HS2ST1: variants seen among roughly 807,000 people sequenced by gnomAD.
HS2ST1 encodes 2-O-sulfotransferase.
A neutral mutation model predicts 42.9 loss-of-function variants in HS2ST1; 18 were observed. The ratio of observed to expected loss-of-function variants is 0.42; its 90% confidence interval spans 0.29 to 0.62. The LOEUF (loss-of-function observed/expected upper bound fraction) is 0.62, where lower values mean the gene tolerates loss of function less well. Among genes scored for constraint, HS2ST1 ranks in the 20% least tolerant of loss-of-function variants. The pLI, the probability that HS2ST1 is intolerant of heterozygous loss-of-function variation, is 0.21. For missense variants in HS2ST1, 334 were observed against 433.8 expected (o/e 0.77, Z 2.04); for synonymous variants, 146 against 152.9 (o/e 0.95, Z 0.33).
At chr1:86,964,834 A>G (rs1219724825) in intron 1 of HS2ST1, among the ~76,000 whole-genome samples, 6 of 151,988 alleles carry the variant, frequency 3.9e-5, no homozygotes, top group Admixed American at 6.6e-5. Flanking sequence ...ATTTGTTTTT[A>G]TTGTTTTGTG....
At chr1:87,068,257 G>T (rs1043577828) in intron 1 of HS2ST1, among the ~76,000 whole-genome samples, 1 of 152,066 alleles carries the variant, frequency 6.6e-6, no homozygotes, top group Non-Finnish European at 1.5e-5. Flanking sequence ...AAAGTTTATA[G>T]TTCTCCTTGA....
intron 1 of HS2ST1, chr1:87,046,710 G>C (rs1207823735): frequency 1.9e-6 from 2 of 1,041,798 alleles, no homozygotes; most frequent in Admixed American, 7.7e-5. Flanking sequence ...AGCTGTGCAT[G>C]TCGATTTTAT....
intron 1 of HS2ST1, among the ~76,000 whole-genome samples, chr1:87,008,119 G>A (rs1292649603): frequency 2.6e-5 from 4 of 152,082 alleles, no homozygotes; most frequent in African/African-American, 9.7e-5. Flanking sequence ...GGGCATCTTG[G>A]ACACTGCTTT....
chr1:87,072,920 G>C lies in HS2ST1; in HGVS notation c.125-14G>C. 1.3e-6 allele frequency: 2 copies of C among 1,596,208 alleles called. No homozygotes were observed. The highest frequency in any genetic ancestry group is 1.7e-6 in the Non-Finnish European group (2 of 1,164,046). On this transcript the variant is annotated splice_polypyrimidine_tract_variant and intron_variant, in intron 1 of 6. Transcript: ENST00000370550. Reference sequence around the variant, plus strand: ...GTCCTTAAAAACTTAGTTCGTATCTGTTTTTCTTTCCAGAAAGGGCTATTG... The same window carrying C: ...GTCCTTAAAAACTTAGTTCGTATCTCTTTTTCTTTCCAGAAAGGGCTATTG...
chr1:86,944,750 C>T (rs546082519), intron 1 of HS2ST1, among the ~76,000 whole-genome samples: 1 of 152,132 alleles, frequency 6.6e-6, no homozygotes, highest in East Asian at 1.9e-4. Context: ...CTGTGGTGTG[C>T]CTTTTTCTCT....
At position 87,072,913 on chromosome 1, in the gene HS2ST1, C is replaced by T. The variant is rs202115672; in HGVS notation, c.125-21C>T. The T allele has an allele frequency of 8.1e-5, 126 of 1,553,346 alleles. No homozygotes were observed. The East Asian group carries it at 1.7e-3, about 21-fold the overall frequency. ...TTATAGTGTCCTTAAAAACTTAGTT[C>T]GTATCTGTTTTTCTTTCCAGAAAGG... On this transcript the variant is annotated intron_variant, in intron 1 of 6. Coordinates refer to ENST00000370550, the MANE Select transcript of HS2ST1 (RefSeq NM_012262.4).
At chr1:86,994,756 T>C (rs1367381036) in intron 1 of HS2ST1, among the ~76,000 whole-genome samples, 1 of 152,166 alleles carries the variant, frequency 6.6e-6, no homozygotes, top group Admixed American at 6.5e-5. Context: ...TTAAGGAATT[T>C]AATGAACTAA....
intron 1 of HS2ST1, among the ~76,000 whole-genome samples, chr1:86,968,341 A>G (rs1283561077): frequency 6.6e-6 from 1 of 152,110 alleles, no homozygotes. Context: ...TCCAAAGCAT[A>G]TATATGTATT....
chr1:87,046,240 A>G, intron 1 of HS2ST1: 1 of 821,860 alleles, frequency 1.2e-6, no homozygotes. Context: ...ACTACTATCA[A>G]AGAGGGTGTG....
chr1:87,012,556 A>G (rs1014145569), intron 1 of HS2ST1, among the ~76,000 whole-genome samples: 58 of 152,312 alleles, frequency 3.8e-4, no homozygotes, highest in African/African-American at 1.3e-3. Flanking sequence ...CTACAATTCA[A>G]GATGAGATTT....
intron 1 of HS2ST1, among the ~76,000 whole-genome samples, chr1:87,004,831 A>T (rs561061026): frequency 6.6e-6 from 1 of 152,236 alleles, no homozygotes; most frequent in Non-Finnish European, 1.5e-5. Context: ...TTCTCAACCA[A>T]TATAGAAATC....
At chr1:86,924,692 G>T (rs1397903057) in intron 1 of HS2ST1, among the ~76,000 whole-genome samples, 3 of 152,162 alleles carry the variant, frequency 2.0e-5, no homozygotes, top group Non-Finnish European at 2.9e-5. Context: ...TTCAGCCATG[G>T]CAGGAGGTCT....
chr1:86,996,621 C>G (rs1309394055), intron 1 of HS2ST1, among the ~76,000 whole-genome samples: 1 of 151,964 alleles, frequency 6.6e-6, no homozygotes, highest in African/African-American at 2.4e-5. Context: ...CAGTGAACCC[C>G]TACAATTACA....
intron 6 of HS2ST1, 65 bp from the exon 7 acceptor site, chr1:87,104,405 C>A: frequency 2.1e-6 from 2 of 952,244 alleles, no homozygotes; most frequent in Non-Finnish European, 3.3e-6. Context: ...AATAAAGAGG[C>A]ATTGATCTTT....
intron 1 of HS2ST1, among the ~76,000 whole-genome samples, chr1:86,919,101 C>A (rs549415490): frequency 6.6e-6 from 1 of 151,852 alleles, no homozygotes; most frequent in African/African-American, 2.4e-5. Context: ...CGTGCCACCA[C>A]GCCCAGGTAA....
chr1:86,971,368 A>T (rs1648230030), intron 1 of HS2ST1, among the ~76,000 whole-genome samples: 2 of 152,340 alleles, frequency 1.3e-5, no homozygotes, highest in Admixed American at 1.3e-4. Flanking sequence ...CTACCCAAGC[A>T]TCCTTCCAGT....
At chr1:87,046,049 TATGGTTGCCTACC>T (rs1650652162) in intron 1 of HS2ST1, 1 of 665,020 alleles carries the variant, frequency 1.5e-6, no homozygotes, top group South Asian at 1.4e-5. Context: ...TGAAAGCTAA[TATGGTTGCCTACC>T]ATGACAGCAT....
chr1:87,054,050 A>G (rs1650898052), intron 1 of HS2ST1, among the ~76,000 whole-genome samples: 1 of 152,112 alleles, frequency 6.6e-6, no homozygotes, highest in African/African-American at 2.4e-5. Flanking sequence ...TGTAACCTAC[A>G]TATTACTACC....
chr1:86,967,541 C>T lies in HS2ST1; in HGVS notation c.124+52381C>T, dbSNP rs1479990192. Among the ~76,000 whole-genome samples the T allele has an allele frequency of 2.0e-5, 3 of 152,176 alleles. No homozygotes were observed. The South Asian group carries it at 6.2e-4, about 32-fold the overall frequency. On this transcript the variant is annotated intron_variant, in intron 1 of 6. Transcript: ENST00000370550. ...TGTAGCTCCTACTTATAAGTGAGAA[C>T]ATAGGGTATTTGGTTGTCCATTCCT...
Sources: gnomAD v4.1 joint callset for allele counts (sites outside exome capture counted in the v4.1 genomes callset) on GRCh38, gnomAD v4.1.1 for gene constraint, MANE v1.5 for transcripts, NCBI Gene and HGNC (gene_info 2026-07-23, HGNC 2026-07-21) for gene names.